STAC: variants seen among roughly 807,000 people sequenced by gnomAD.
The protein encoded by STAC is SH3 and cysteine rich domain, also known as SH3 and cysteine-rich domain-containing protein.
Under a neutral mutation model 48.8 loss-of-function variants are expected in STAC, and 43 were observed. The ratio of observed to expected loss-of-function variants is 0.88; its 90% CI spans 0.69 to 1.14. The LOEUF is 1.14. Ranked by LOEUF, STAC falls within the 50% of genes most tolerant of loss-of-function variation. The pLI is 0.00. For synonymous variants in STAC, 193 were observed against 179.5 expected (o/e 1.07, Z -0.60); for missense variants, 497 against 504.0 (o/e 0.99, Z 0.13).
intron 1 of STAC, among the ~76,000 whole-genome samples, chr3:36,415,407 C>T (rs1700297165): frequency 1.3e-5 from 2 of 152,212 alleles, no homozygotes; most frequent in Admixed American, 1.3e-4. Flanking sequence ...CCTTGCAGTT[C>T]AATCTCAGAC....
At chr3:36,393,938 C>G (rs1424923804) in intron 1 of STAC, among the ~76,000 whole-genome samples, 1 of 151,970 alleles carries the variant, frequency 6.6e-6, no homozygotes, top group East Asian at 1.9e-4. Flanking sequence ...GGAGTAAGGG[C>G]ATGAGTTGTG....
chr3:36,492,031 A>AATATATATATACATATATAT (rs1697995335), intron 5 of STAC, among the ~76,000 whole-genome samples: 1 of 16,440 alleles, frequency 6.1e-5, no homozygotes, highest in African/African-American at 1.9e-4. Flanking sequence ...AAAAAAAAAA[A>AATATATATATACATATATAT]ATATATATAT....
chr3:36,512,843 T>C (rs372238958), intron 8 of STAC, among the ~76,000 whole-genome samples: 2 of 152,242 alleles, frequency 1.3e-5, no homozygotes, highest in South Asian at 2.1e-4. Flanking sequence ...AGGCACTTGA[T>C]TTAGAATGTG....
chr3:36,409,578 A>T (rs546569494), intron 1 of STAC: 1 of 152,302 alleles, frequency 6.6e-6, no homozygotes, highest in South Asian at 2.1e-4. Context: ...GTCCATCAAA[A>T]GTTTAGTTGG....
chr3:36,484,017 T>C (rs1349005951), intron 3 of STAC, among the ~76,000 whole-genome samples: 1 of 152,146 alleles, frequency 6.6e-6, no homozygotes, highest in Non-Finnish European at 1.5e-5. Context: ...GGCCAAAGAA[T>C]TGTAGAAAGG....
intron 1 of STAC, among the ~76,000 whole-genome samples, chr3:36,407,651 T>C (rs953126140): frequency 1.3e-5 from 2 of 152,224 alleles, no homozygotes; most frequent in Non-Finnish European, 1.5e-5. Context: ...CACTAGACGC[T>C]ATTAACCTCC....
chr3:36,506,217 T>C (rs1315540827), intron 8 of STAC: 1 of 160,484 alleles, frequency 6.2e-6, no homozygotes, highest in Admixed American at 6.2e-5. Flanking sequence ...TCAAAAAATA[T>C]ATTTAATCAA....
chr3:36,508,471 T>A (rs1032703534), intron 8 of STAC, among the ~76,000 whole-genome samples: 3 of 152,184 alleles, frequency 2.0e-5, no homozygotes, highest in Admixed American at 6.5e-5. Context: ...GTCCTGAAGA[T>A]CCTTGTTAAT....
intron 1 of STAC, among the ~76,000 whole-genome samples, chr3:36,407,201 C>T (rs1490150108): frequency 2.0e-5 from 3 of 152,132 alleles, no homozygotes; most frequent in Admixed American, 6.5e-5. Context: ...GAATTATGTC[C>T]GTCTTCCCTT....
In STAC at chr3:36,443,641, G is replaced by C; in HGVS notation, c.388+1G>C. ...GATGTCTGCAACCACATGATAGTGG[G>C]TAAGGCCTCCCACCCCTTTCTCCAG... On this transcript the variant is annotated splice_donor_variant, in intron 2 of 10. Coordinates refer to ENST00000273183, the MANE Select transcript of STAC (RefSeq NM_003149.3). LOFTEE classifies it high-confidence loss of function. The surrounding 1 kb of genome is among the most constrained non-coding windows in gnomAD (Gnocchi z 4.2). 6.2e-7 allele frequency: 1 copy of C among 1,609,150 alleles called. No homozygotes were observed.
intron 5 of STAC, among the ~76,000 whole-genome samples, chr3:36,489,649 C>CATAAA (rs1697913041): frequency 6.6e-6 from 1 of 152,208 alleles, no homozygotes; most frequent in South Asian, 2.1e-4. Flanking sequence ...CTTTTATTCA[C>CATAAA]AGCTTTGTGT....
intron 2 of STAC, among the ~76,000 whole-genome samples, chr3:36,475,451 T>G (rs1697467250): frequency 6.6e-6 from 1 of 152,232 alleles, no homozygotes; most frequent in African/African-American, 2.4e-5. Flanking sequence ...CAGTTGCCTT[T>G]GCATTGAATC....
At chr3:36,495,716 G>A (rs1575239997) in intron 6 of STAC, among the ~76,000 whole-genome samples, 1 of 152,328 alleles carries the variant, frequency 6.6e-6, no homozygotes, top group African/African-American at 2.4e-5. Context: ...TTTAAAATAG[G>A]AAGGGCTATA....
intron 6 of STAC, among the ~76,000 whole-genome samples, chr3:36,500,542 A>G (rs1179328502): frequency 6.6e-6 from 1 of 152,130 alleles, no homozygotes; most frequent in Non-Finnish European, 1.5e-5. Context: ...GCAAACCACC[A>G]TGGCACATGT....
intron 2 of STAC, among the ~76,000 whole-genome samples, chr3:36,482,425 C>A (rs77915587): frequency 0.014 from 2,127 of 152,296 alleles, 22 homozygotes; most frequent in Non-Finnish European, 0.021. Context: ...AAGTGACTCA[C>A]CGCAGCCACA....
chr3:36,499,909 A>G (rs537035488), intron 6 of STAC, among the ~76,000 whole-genome samples: 1 of 151,722 alleles, frequency 6.6e-6, no homozygotes, highest in South Asian at 2.1e-4. Context: ...AATTGACTTT[A>G]AGACCAAGAA....
In STAC at chr3:36,464,154, A is replaced by G. The variant is rs1225634501; in HGVS notation, c.389-18838A>G. Among the ~76,000 whole-genome samples the G allele has an allele frequency of 1.1e-4, 16 of 152,266 alleles. No homozygotes were observed. The East Asian group carries it at 2.7e-3, about 26-fold the overall frequency. ...CCACCAACAGTGTAAAAGTGTTCCT[A>G]TTTATGCACATCCTCTCCAGCACCT... On this transcript the variant is annotated intron_variant, in intron 2 of 10. Transcript: ENST00000273183.
At chr3:36,395,939 A>G (rs1432836354) in intron 1 of STAC, among the ~76,000 whole-genome samples, 1 of 152,178 alleles carries the variant, frequency 6.6e-6, no homozygotes, top group Non-Finnish European at 1.5e-5. Flanking sequence ...GTTTAAAAAA[A>G]AAAAACAAAG....
At chr3:36,404,024 T>C (rs1232332977) in intron 1 of STAC, among the ~76,000 whole-genome samples, 1 of 152,170 alleles carries the variant, frequency 6.6e-6, no homozygotes, top group Admixed American at 6.6e-5. Flanking sequence ...AAGCTCAAAA[T>C]ACAAAACACA....
Sources: gnomAD v4.1 joint callset for allele counts (sites outside exome capture counted in the v4.1 genomes callset) on GRCh38, gnomAD v4.1.1 for gene constraint, Gnocchi (gnomAD v3.1) non-coding constraint, MANE v1.5 for transcripts, NCBI Gene and HGNC (gene_info 2026-07-23, HGNC 2026-07-21) for gene names.